The following ICAM1 variants were observed in gnomAD, a reference collection of about 807,000 sequenced individuals.
ICAM1 encodes the protein intercellular adhesion molecule 1.
Under a neutral mutation model 42.3 loss-of-function variants are expected in ICAM1, and 28 were observed. The observed-to-expected ratio is 0.66, with a 90% CI of 0.49 to 0.91. The LOEUF (loss-of-function observed/expected upper bound fraction) is 0.91, where lower values mean the gene tolerates loss of function less well. Ranked by LOEUF, ICAM1 falls within the 40% of genes least tolerant of loss-of-function variation. The pLI, the probability that ICAM1 is intolerant of heterozygous loss-of-function variation, is 0.00. For synonymous variants in ICAM1, 304 were observed against 305.9 expected (o/e 0.99, Z 0.07); for missense variants, 637 against 688.6 (o/e 0.93, Z 0.84).
intron 1 of ICAM1, among the ~76,000 whole-genome samples, chr19:10,271,562 C>T (rs1404202832): frequency 1.3e-5 from 2 of 152,060 alleles, no homozygotes; most frequent in African/African-American, 2.4e-5. Context: ...AGGTGTGAAC[C>T]ACCGCCTTGC....
rs1486050964 is a variant in ICAM1, at chr19:10,281,034, T to C, written c.332-2447T>C. 3.0e-5 allele frequency among the ~76,000 whole-genome samples: 4 copies of C among 131,286 alleles called. 1 individual carries two copies. Among genetic ancestry groups the C allele is most frequent in the South Asian group, 4.9e-4 (2 of 4,098 alleles). The allele number at this position is 131,286 out of a possible 152,430, so 86.1% of individuals were successfully genotyped here. A position where few individuals can be genotyped will look rare whatever the true frequency, so the allele number is the denominator to read the frequency against. ...GACTACAGGCGCCCACCACCACGCC[T>C]GGCTAATTTTTTGTATTTTTAGTAG... On this transcript the variant is annotated intron_variant, in intron 2 of 6. Transcript: ENST00000264832.
At chr19:10,274,136 A>T (rs1415056343) in intron 1 of ICAM1, among the ~76,000 whole-genome samples, 1 of 151,940 alleles carries the variant, frequency 6.6e-6, no homozygotes, top group Non-Finnish European at 1.5e-5. Context: ...GCCCCGGGAC[A>T]TCTGTACTTG....
chr19:10,279,814 A>G (rs899266254), intron 2 of ICAM1, among the ~76,000 whole-genome samples: 2 of 151,590 alleles, frequency 1.3e-5, no homozygotes, highest in Non-Finnish European at 2.9e-5. Context: ...ACAGTCAGCT[A>G]TGATTGCACC....
intron 2 of ICAM1, among the ~76,000 whole-genome samples, chr19:10,281,599 C>A (rs1165524998): frequency 1.3e-5 from 2 of 152,084 alleles, no homozygotes; most frequent in Non-Finnish European, 2.9e-5. Context: ...TAAGTGAATT[C>A]TCCTACCTTT....
rs1257364384 is a variant in ICAM1, at chr19:10,284,751, C to G, written c.1181-32C>G. On this transcript the variant is annotated intron_variant, in intron 5 of 6. Coordinates refer to ENST00000264832, the MANE Select transcript of ICAM1 (RefSeq NM_000201.3). This position sits in a 1 kb window ranked among gnomAD's most constrained non-coding sequence, Gnocchi z 5.4. ...CTTGCCTCCAAGTCCTGCCCCCACC[C>G]ACCTCCATGTCATCTCATCGTGTTT... 6 of 1,607,144 alleles carry G rather than the reference C, an allele frequency of 3.7e-6. No homozygotes were observed. The highest frequency in any genetic ancestry group is 5.1e-6 in the Non-Finnish European group (6 of 1,178,212).
chr19:10,271,142 T>G lies in ICAM1; in HGVS notation c.-18T>G, dbSNP rs754809837. The G allele has an allele frequency of 1.1e-4, 174 of 1,610,344 alleles. No homozygotes were observed. Among genetic ancestry groups the G allele is most frequent in the Non-Finnish European group, 1.4e-4 (166 of 1,178,264 alleles). On this transcript the variant is annotated 5_prime_UTR_variant, in exon 1 of 7. Coordinates refer to ENST00000264832, the MANE Select transcript of ICAM1 (RefSeq NM_000201.3). The stretch of plus-strand genomic sequence containing the variant: ...GCTGAGCTCCTCTGCTACTCAGAGT[T>G]GCAACCTCAGCCTCGCTATGGCTCC...
chr19:10,285,553 T>TAA lies in ICAM1; in HGVS notation c.*268_*269dup. On this transcript the variant is annotated 3_prime_UTR_variant, in exon 7 of 7. Transcript: ENST00000264832. ...GACTCAAGACATGATTGATGGATGT[T>TAA]AAAGTCTAGCCTGATGAGAGGGGAA... is the stretch of plus-strand genomic sequence containing the variant. The TAA allele has an allele frequency of 2.2e-6, 1 of 457,164 alleles. No homozygotes were observed. Among genetic ancestry groups the TAA allele is most frequent in the South Asian group, 2.9e-5 (1 of 34,312 alleles). 28.3% of individuals were successfully genotyped at this position (457,164 alleles called of 1,614,324 possible).
At chr19:10,281,859 G>C (rs547377511) in intron 2 of ICAM1, among the ~76,000 whole-genome samples, 4 of 150,656 alleles carry the variant, frequency 2.7e-5, no homozygotes, top group Non-Finnish European at 4.4e-5. Flanking sequence ...GTAAACCTCA[G>C]CCTCTCAAGT....
At position 10,284,804 on chromosome 19, in the gene ICAM1, G is replaced by C. The variant is rs752861754; in HGVS notation, c.1202G>C (p.Arg401Thr). Residue 401 changes from arginine to threonine, a missense_variant, in exon 6 of 7, where the codon AGG becomes ACG. By Grantham distance (71) the Arg-to-Thr change is moderately conservative (BLOSUM62 -1). Coordinates refer to ENST00000264832, the MANE Select transcript of ICAM1 (RefSeq NM_000201.3). This position sits in a 1 kb window ranked among gnomAD's most constrained non-coding sequence, Gnocchi z 5.4. ...CCAGATGGCCCCCGACTGGACGAGA[G>C]GGATTGTCCGGGAAACTGGACGTGG... ...RVLYGPRLDE[R>T]DCPGNWTWPE... 1.1e-5 allele frequency: 18 copies of C among 1,603,364 alleles called. 1 individual carries two copies. In the South Asian group the frequency reaches 2.0e-4, roughly 18 times the overall value.
chr19:10,285,982 AC>A lies in ICAM1; in HGVS notation c.*697del, dbSNP rs1199776707. 3 of 152,480 alleles carry A rather than the reference AC, an allele frequency of 2.0e-5. No individual in the cohort carries two copies. Among genetic ancestry groups the A allele is most frequent in the African/African-American group, 7.2e-5 (3 of 41,442 alleles). The allele number at this position is 152,480 out of a possible 1,614,324, so 9.4% of individuals were successfully genotyped here. A position where few individuals can be genotyped will look rare whatever the true frequency, so the allele number is the denominator to read the frequency against. On this transcript the variant is annotated 3_prime_UTR_variant, in exon 7 of 7. Coordinates refer to ENST00000264832, the MANE Select transcript of ICAM1 (RefSeq NM_000201.3). Reference sequence around the variant, plus strand: ...TGGGGCTGGGACTTCTCATTGGCCAACCTGCCTTTCCCCAGAAGGAGTGATT... The same window carrying A: ...TGGGGCTGGGACTTCTCATTGGCCAACTGCCTTTCCCCAGAAGGAGTGATT...
intron 2 of ICAM1, among the ~76,000 whole-genome samples, chr19:10,279,365 G>A (rs1014843872): frequency 6.6e-6 from 1 of 152,136 alleles, no homozygotes; most frequent in Non-Finnish European, 1.5e-5. Flanking sequence ...GCAACATAGC[G>A]AGACCCTGTC....
In ICAM1 at chr19:10,283,475, C is replaced by A. The variant is rs2040075715; in HGVS notation, c.332-6C>A. On this transcript the variant is annotated splice_region_variant and splice_polypyrimidine_tract_variant and intron_variant, in intron 2 of 6. Transcript: ENST00000264832. ...ACCAGACACCCCCACCTCTGTTTTC[C>A]TGCAGGGACTCCAGAACGGGTGGAA... is the stretch of plus-strand genomic sequence containing the variant. 1.3e-6 allele frequency: 2 copies of A among 1,540,388 alleles called. No individual in the cohort carries two copies. Among genetic ancestry groups the A allele is most frequent in the Non-Finnish European group, 1.8e-6 (2 of 1,142,718 alleles).
In ICAM1 at chr19:10,274,987, CTGATGGGCAGT is replaced by C; in HGVS notation, c.291_301del (p.Asp98AsnfsTer3). ...CAACCAATGTGCTATTCAAACTGCC[CTGATGGGCAGT>C]CAACAGCTAAAACCTTCCTCACCGT... On this transcript the variant is annotated frameshift_variant, in exon 2 of 7. Transcript: ENST00000264832. LOFTEE classifies it high-confidence loss of function. 1 of 1,614,114 alleles carries C rather than the reference CTGATGGGCAGT, an allele frequency of 6.2e-7. No homozygotes were observed. The highest frequency in any genetic ancestry group is 8.5e-7 in the Non-Finnish European group (1 of 1,180,036).
intron 2 of ICAM1, among the ~76,000 whole-genome samples, chr19:10,275,238 A>C (rs2040008318): frequency 6.6e-6 from 1 of 152,236 alleles, no homozygotes; most frequent in Non-Finnish European, 1.5e-5. Flanking sequence ...GCGGTGGCTC[A>C]TGCCTGTAAT....
intron 2 of ICAM1, among the ~76,000 whole-genome samples, chr19:10,282,526 C>T (rs2040068850): frequency 6.6e-6 from 1 of 152,022 alleles, no homozygotes; most frequent in East Asian, 1.9e-4. Context: ...GGATTAAAGG[C>T]GTGAGCCACC....
intron 2 of ICAM1, among the ~76,000 whole-genome samples, chr19:10,278,557 TTTTTTTTTTTTTTTC>T (rs1294406796): frequency 4.3e-5 from 4 of 92,096 alleles, no homozygotes; most frequent in Non-Finnish European, 6.8e-5. Flanking sequence ...TCTTTTTTTT[TTTTTTTTTTTTTTTC>T]TTTTTTTTGA....
rs1396507988 is a variant in ICAM1, at chr19:10,271,177, C to T, written c.18C>T (p.Pro6=). 9 of 1,613,218 alleles carry T rather than the reference C, an allele frequency of 5.6e-6. No homozygotes were observed. Among genetic ancestry groups the T allele is most frequent in the Non-Finnish European group, 7.6e-6 (9 of 1,179,826 alleles). ...GCCTCGCTATGGCTCCCAGCAGCCC[C>T]CGGCCCGCGCTGCCCGCACTCCTGG... MAPSS[P]RPALPALLVL... The change falls in exon 1 of 7, where the codon CCC becomes CCT. Residue 6 remains proline, a synonymous_variant. Coordinates refer to ENST00000264832, the MANE Select transcript of ICAM1 (RefSeq NM_000201.3).
chr19:10,278,862 T>A (rs903644072), intron 2 of ICAM1, among the ~76,000 whole-genome samples: 1 of 151,898 alleles, frequency 6.6e-6, no homozygotes, highest in African/African-American at 2.4e-5. Context: ...GCTGAGAGCA[T>A]AGAACTCCAG....
chr19:10,272,815 G>C (rs1236837219), intron 1 of ICAM1, among the ~76,000 whole-genome samples: 1 of 151,796 alleles, frequency 6.6e-6, no homozygotes, highest in Non-Finnish European at 1.5e-5. Context: ...GATTACATGC[G>C]TGAGCCACAG....
Sources: allele counts gnomAD v4.1 joint callset (sites outside exome capture counted in the v4.1 genomes callset), GRCh38; gene constraint gnomAD v4.1.1; non-coding constraint Gnocchi (gnomAD v3.1); transcripts MANE v1.5; gene names NCBI Gene and HGNC (gene_info 2026-07-23, HGNC 2026-07-21).